IGHMBP2: variants seen among roughly 807,000 people sequenced by gnomAD.
IGHMBP2 encodes immunoglobulin mu DNA binding protein 2, also known as DNA-binding protein SMUBP-2.
IGHMBP2 carries 81 observed loss-of-function variants against 96.0 expected under a neutral mutation model. The observed-to-expected ratio is 0.84, with a 90% CI of 0.71 to 1.01. The LOEUF is 1.01. Ranked by LOEUF, IGHMBP2 falls within the 50% of genes least tolerant of loss-of-function variation. The probability of loss-of-function intolerance (pLI) is 0.00; values close to 1 mark genes in which losing one functional copy is unlikely to be tolerated. For synonymous variants in IGHMBP2, 557 were observed against 548.9 expected (o/e 1.01, Z -0.21); for missense variants, 1,227 against 1,306.3 (o/e 0.94, Z 0.94).
intron 7 of IGHMBP2, among the ~76,000 whole-genome samples, chr11:68,927,865 G>C (rs1196197037): frequency 1.3e-5 from 2 of 152,170 alleles, no homozygotes; most frequent in Non-Finnish European, 2.9e-5. Context: ...GGGGCTGGCA[G>C]GTGCTGGTTT....
rs1411583050 is a variant in IGHMBP2 at position 68,940,554 on chromosome 11, C to T, written c.*823C>T. 6.6e-6 allele frequency: 1 copy of T among 152,206 alleles called. No homozygotes were observed. The highest frequency in any genetic ancestry group is 2.4e-5 in the African/African-American group (1 of 41,444). The allele number at this position is 152,206 out of a possible 1,614,324, so 9.4% of individuals were successfully genotyped here. A position where few individuals can be genotyped will look rare whatever the true frequency, so the allele number is the denominator to read the frequency against. On this transcript the variant is annotated 3_prime_UTR_variant, in exon 15 of 15. Transcript: ENST00000255078. ...GTACCTGAGCCTCAGGGTTTTGTTTCAGAGGGATATAAATTATTTAAAAAT... is the reference window on the plus strand; with the variant it reads ...GTACCTGAGCCTCAGGGTTTTGTTTTAGAGGGATATAAATTATTTAAAAAT...
At chr11:68,916,019 CAAA>C (rs1858652920) in intron 6 of IGHMBP2, among the ~76,000 whole-genome samples, 1 of 151,814 alleles carries the variant, frequency 6.6e-6, no homozygotes, top group Non-Finnish European at 1.5e-5. Flanking sequence ...ACTAAAAATA[CAAA>C]AATTAGCTGA....
chr11:68,930,906 G>A (rs913936781), intron 8 of IGHMBP2, among the ~76,000 whole-genome samples: 10 of 152,102 alleles, frequency 6.6e-5, no homozygotes, highest in Admixed American at 1.3e-4. Context: ...TGCCCTCTCC[G>A]TCCTCTGGCT....
At chr11:68,923,763 G>T (rs1181481209) in intron 7 of IGHMBP2, among the ~76,000 whole-genome samples, 3 of 152,090 alleles carry the variant, frequency 2.0e-5, no homozygotes, top group African/African-American at 7.2e-5. Context: ...CATTGTTTTG[G>T]ATGGTATTTT....
chr11:68,931,436 G>A (rs1859294299), intron 8 of IGHMBP2, among the ~76,000 whole-genome samples: 1 of 152,096 alleles, frequency 6.6e-6, no homozygotes. Context: ...GGCTGCAGCT[G>A]CACGCGGAAA....
intron 2 of IGHMBP2, 111 bp from the exon 3 acceptor site, chr11:68,908,034 A>T: frequency 2.1e-6 from 2 of 965,566 alleles, no homozygotes; most frequent in Non-Finnish European, 3.3e-6. Context: ...GATTGCATTT[A>T]CTAAAGAAAG....
chr11:68,910,307 C>T (rs1206824654), intron 4 of IGHMBP2, among the ~76,000 whole-genome samples: 1 of 152,212 alleles, frequency 6.6e-6, no homozygotes, highest in African/African-American at 2.4e-5. Flanking sequence ...TGAAGGGCTC[C>T]TATGCGTCAC....
chr11:68,933,210 T>C (rs1859381250), intron 8 of IGHMBP2, 89 bp from the exon 9 acceptor site: 4 of 1,346,312 alleles, frequency 3.0e-6, no homozygotes, highest in Middle Eastern at 2.4e-4. Flanking sequence ...GGTCCTGAGG[T>C]TTGGGGCCTG....
intron 8 of IGHMBP2, among the ~76,000 whole-genome samples, chr11:68,931,667 C>T (rs1479421432): frequency 2.6e-5 from 4 of 152,112 alleles, no homozygotes; most frequent in South Asian, 2.1e-4. Flanking sequence ...CTGCTGCAGC[C>T]GGCATGATGG....
intron 14 of IGHMBP2, 85 bp from the exon 15 acceptor site, chr11:68,939,449 G>GC: frequency 2.1e-6 from 3 of 1,453,084 alleles, no homozygotes; most frequent in East Asian, 2.3e-5. Flanking sequence ...GGCGCCTGTG[G>GC]CCCCCCAGCT....
intron 7 of IGHMBP2, among the ~76,000 whole-genome samples, chr11:68,927,459 TC>T (rs1859117304): frequency 6.6e-6 from 1 of 152,190 alleles, no homozygotes. Flanking sequence ...AGCTTTCACT[TC>T]CCGTTTGTGC....
chr11:68,932,075 A>G lies in IGHMBP2; in HGVS notation c.1236-1224A>G, dbSNP rs1594449714. On this transcript the variant is annotated intron_variant, in intron 8 of 14. Coordinates refer to ENST00000255078, the MANE Select transcript of IGHMBP2 (RefSeq NM_002180.3). ...GAGACAGTAGGATGGTTTCGGGGAA[A>G]ACATTGGGTGGCGTTCCCTGGAGAG... Among the ~76,000 whole-genome samples the G allele has an allele frequency of 2.3e-5, 3 of 131,800 alleles. No individual in the cohort carries two copies. In the South Asian group the frequency reaches 7.5e-4, roughly 33 times the overall value. 86.5% of individuals were successfully genotyped at this position (131,800 alleles called of 152,430 possible). A position where few individuals can be genotyped will look rare whatever the true frequency, so the allele number is the denominator to read the frequency against.
intron 6 of IGHMBP2, among the ~76,000 whole-genome samples, chr11:68,916,975 CTTTTTTT>C (rs11418103): frequency 6.2e-4 from 64 of 103,350 alleles, no homozygotes; most frequent in Admixed American, 5.1e-3. Flanking sequence ...AAGGTTACAT[CTTTTTTT>C]TTTTTTTTTT....
intron 7 of IGHMBP2, among the ~76,000 whole-genome samples, chr11:68,927,584 G>GC (rs1305392749): frequency 1.3e-5 from 2 of 152,172 alleles, no homozygotes; most frequent in Non-Finnish European, 2.9e-5. Flanking sequence ...GCTTTTCAAA[G>GC]CCCCCTGAGG....
At chr11:68,919,864 C>A (rs902289186) in intron 7 of IGHMBP2, among the ~76,000 whole-genome samples, 1 of 152,178 alleles carries the variant, frequency 6.6e-6, no homozygotes. Flanking sequence ...CTTTGTCTGA[C>A]ATTAAAATAA....
intron 8 of IGHMBP2, 97 bp downstream of exon 8, chr11:68,929,454 C>A (rs754235787): frequency 1.7e-6 from 2 of 1,178,850 alleles, no homozygotes; most frequent in Non-Finnish European, 2.4e-6. Context: ...GGAGCCCCTG[C>A]GGTGCCTCCT....
intron 6 of IGHMBP2, 39 bp from the exon 7 acceptor site, chr11:68,917,697 G>T: frequency 6.5e-7 from 1 of 1,548,426 alleles, no homozygotes; most frequent in Non-Finnish European, 8.9e-7. Context: ...GTACAAAGTT[G>T]GACTGAAGTA....
At chr11:68,937,192 C>A in intron 13 of IGHMBP2, 101 bp downstream of exon 13, 1 of 1,419,402 alleles carries the variant, frequency 7.0e-7, no homozygotes, top group Non-Finnish European at 9.8e-7. Context: ...GGGCTTCCTC[C>A]TGGTGGCACC....
At position 68,939,840 on chromosome 11, in the gene IGHMBP2, G is replaced by A; in HGVS notation, c.*109G>A. On this transcript the variant is annotated 3_prime_UTR_variant, in exon 15 of 15. Transcript: ENST00000255078. ...CCACAGAGGAGCGGAGGGGCCTATG[G>A]GGGAGGAGCGGAGGGCCCTGTTGGG... 1.7e-6 allele frequency: 2 copies of A among 1,194,428 alleles called. No homozygotes were observed. Among genetic ancestry groups the A allele is most frequent in the East Asian group, 5.1e-5 (2 of 39,068 alleles). The allele number at this position is 1,194,428 out of a possible 1,614,324, so 74.0% of individuals were successfully genotyped here.
Sources: allele counts gnomAD v4.1 joint callset (sites outside exome capture counted in the v4.1 genomes callset), GRCh38; gene constraint gnomAD v4.1.1; transcripts MANE v1.5; gene names NCBI Gene and HGNC (gene_info 2026-07-23, HGNC 2026-07-21).